The following TPTE2 variants were observed in gnomAD, a reference collection of about 807,000 sequenced individuals.
TPTE2 encodes the protein transmembrane phosphoinositide 3-phosphatase and tensin homolog 2, also known as phosphatidylinositol 3,4,5-trisphosphate 3-phosphatase TPTE2.
Under a neutral mutation model 78.6 loss-of-function variants are expected in TPTE2, and 53 were observed. The ratio of observed to expected loss-of-function variants is 0.67; its 90% CI spans 0.54 to 0.85. TPTE2 has a LOEUF of 0.85. TPTE2 is among the 40% of genes least tolerant of loss of function. The pLI, the probability that TPTE2 is intolerant of heterozygous loss-of-function variation, is 0.00. For missense variants in TPTE2, 461 were observed against 623.0 expected (o/e 0.74, Z 2.77); for synonymous variants, 175 against 206.2 (o/e 0.85, Z 1.30).
At chr13:19,441,721 C>A (rs1216284215) in intron 13 of TPTE2, among the ~76,000 whole-genome samples, 13 of 152,200 alleles carry the variant, frequency 8.5e-5, no homozygotes, top group Non-Finnish European at 1.8e-4. Flanking sequence ...ATAATATTGA[C>A]AGCATTTTCT....
intron 13 of TPTE2, among the ~76,000 whole-genome samples, chr13:19,439,996 A>G (rs909873874): frequency 5.3e-5 from 8 of 152,214 alleles, no homozygotes; most frequent in African/African-American, 1.7e-4. Flanking sequence ...TGCCCTAGAG[A>G]GAAAGAGAAA....
At chr13:19,497,535 G>A (rs1250865931) in intron 1 of TPTE2, among the ~76,000 whole-genome samples, 1 of 76,808 alleles carries the variant, frequency 1.3e-5, no homozygotes, top group Non-Finnish European at 3.6e-5. Flanking sequence ...CCCCAGCAGG[G>A]GCACACTGAC....
At chr13:19,468,502 A>T (rs1879425775) in intron 6 of TPTE2, among the ~76,000 whole-genome samples, 2 of 152,112 alleles carry the variant, frequency 1.3e-5, no homozygotes, top group South Asian at 2.1e-4. Context: ...TCTTCTATAT[A>T]CTGATTTCCT....
At chr13:19,470,288 T>G (rs1443344494) in intron 6 of TPTE2, among the ~76,000 whole-genome samples, 1 of 152,204 alleles carries the variant, frequency 6.6e-6, no homozygotes, top group Non-Finnish European at 1.5e-5. Context: ...GAAATGATCT[T>G]ACGGTTTTTA....
chr13:19,452,410 G>C (rs556825703), intron 10 of TPTE2, among the ~76,000 whole-genome samples: 1 of 152,036 alleles, frequency 6.6e-6, no homozygotes, highest in Non-Finnish European at 1.5e-5. Flanking sequence ...CAGGGGAAAC[G>C]ATTTTTCAGA....
At chr13:19,551,508 C>A in the TPTE2 span, among the ~76,000 whole-genome samples, 3 of 152,100 alleles carry the variant, frequency 2.0e-5, no homozygotes, top group South Asian at 4.2e-4. Flanking sequence ...ATTGCTTGAA[C>A]CCGGGAGGCA....
chr13:19,431,178 T>A (rs1313201008), intron 16 of TPTE2, among the ~76,000 whole-genome samples: 1 of 152,020 alleles, frequency 6.6e-6, no homozygotes, highest in Non-Finnish European at 1.5e-5. Context: ...AAAGGTGACT[T>A]GCAACCTTTC....
At chr13:19,560,957 G>A in the TPTE2 span, 1 of 1,595,834 alleles carries the variant, frequency 6.3e-7, no homozygotes, top group Non-Finnish European at 8.6e-7. Flanking sequence ...CTTGAAGAAG[G>A]CTTTGCAGTC....
the TPTE2 span, among the ~76,000 whole-genome samples, chr13:19,546,586 T>C: frequency 7.1e-6 from 1 of 140,156 alleles, no homozygotes; most frequent in Non-Finnish European, 1.5e-5. Flanking sequence ...GCCTCCTGGG[T>C]TCAAGCAATT....
intron 5 of TPTE2, among the ~76,000 whole-genome samples, chr13:19,475,082 A>G (rs1184540302): frequency 6.6e-6 from 1 of 152,228 alleles, no homozygotes; most frequent in Non-Finnish European, 1.5e-5. Context: ...ATGATAAATT[A>G]CATTACATTA....
At chr13:19,441,194 C>T (rs1410914389) in intron 13 of TPTE2, among the ~76,000 whole-genome samples, 1 of 152,008 alleles carries the variant, frequency 6.6e-6, no homozygotes, top group Admixed American at 6.5e-5. Context: ...TATGTTCTCA[C>T]TCATAAGTGA....
At chr13:19,497,484 C>G (rs1243808831) in intron 1 of TPTE2, among the ~76,000 whole-genome samples, 2 of 98,056 alleles carry the variant, frequency 2.0e-5, no homozygotes, top group Admixed American at 1.2e-4. Context: ...TCAAGTGGGT[C>G]CCTGACCCCT....
rs139121187 is a variant in TPTE2, at chr13:19,464,482, G to A, written c.715C>T (p.Gln239Ter). 2,420 of 1,612,924 alleles carry A rather than the reference G, an allele frequency of 1.5e-3. 6 individuals are homozygous for A. Among genetic ancestry groups the A allele is most frequent in the Non-Finnish European group, 1.9e-3 (2,213 of 1,179,108 alleles). ...TCAATTGGATTTCTATAGAAAGACTGCCTTCCAGAAGATGGAAATGACATA... is the reference window on the plus strand; with the variant it reads ...TCAATTGGATTTCTATAGAAAGACTACCTTCCAGAAGATGGAAATGACATA... Residue 239 changes from glutamine to a stop codon, truncating the protein, a stop_gained, in exon 10 of 20, where the codon CAG becomes TAG. Transcript: ENST00000400230. LOFTEE classifies it high-confidence loss of function.
chr13:19,488,853 T>C (rs916209046), intron 3 of TPTE2, among the ~76,000 whole-genome samples: 3 of 152,254 alleles, frequency 2.0e-5, no homozygotes, highest in African/African-American at 7.2e-5. Context: ...GTTTTGTTTT[T>C]GTTTTTGTTT....
chr13:19,430,917 AG>A (rs1876539898), intron 16 of TPTE2, among the ~76,000 whole-genome samples: 1 of 152,164 alleles, frequency 6.6e-6, no homozygotes, highest in Non-Finnish European at 1.5e-5. Context: ...ACTTGAGGTC[AG>A]GAGTTCTAAA....
At chr13:19,495,305 C>G (rs1881237479) in intron 1 of TPTE2, among the ~76,000 whole-genome samples, 1 of 152,134 alleles carries the variant, frequency 6.6e-6, no homozygotes, top group Non-Finnish European at 1.5e-5. Context: ...GAAATAATTC[C>G]AGGGTTATTA....
chr13:19,560,319 C>T, the TPTE2 span: 31 of 1,422,120 alleles, frequency 2.2e-5, no homozygotes, highest in Non-Finnish European at 2.9e-5. Flanking sequence ...ACTCCCCTCG[C>T]TCCAGCCGCA....
At chr13:19,552,963 A>T in the TPTE2 span, among the ~76,000 whole-genome samples, 1 of 150,080 alleles carries the variant, frequency 6.7e-6, no homozygotes, top group African/African-American at 2.4e-5. Flanking sequence ...TGGAAAGAAA[A>T]AAATAAATTT....
At position 19,481,047 on chromosome 13, in the gene TPTE2, A is replaced by T. The variant is rs374559646; in HGVS notation, c.179+1441T>A. On this transcript the variant is annotated intron_variant, in intron 4 of 19. Coordinates refer to ENST00000400230, the Ensembl canonical transcript of TPTE2. ...GCACATGAATATATATTAACAAAAA[A>T]ATATAGTCATGATGTCATTAAGTAA... Among the ~76,000 whole-genome samples the T allele has an allele frequency of 8.5e-5, 13 of 152,354 alleles. No individual in the cohort carries two copies. In the East Asian group the frequency reaches 1.2e-3, roughly 14 times the overall value.
Sources: gnomAD v4.1 joint callset for allele counts (sites outside exome capture counted in the v4.1 genomes callset) on GRCh38, gnomAD v4.1.1 for gene constraint, MANE v1.5 for transcripts, NCBI Gene and HGNC (gene_info 2026-07-23, HGNC 2026-07-21) for gene names.